The following FRMD4A variants were observed in gnomAD, a reference collection of about 807,000 sequenced individuals.
The protein encoded by FRMD4A is FERM domain containing 4A.
A neutral mutation model predicts 129.1 loss-of-function variants in FRMD4A; 29 were observed. That is an observed-to-expected ratio of 0.22 (90% CI 0.17 to 0.31). The LOEUF is 0.31. Among genes scored for constraint, FRMD4A ranks in the 10% least tolerant of loss-of-function variants. The pLI is 1.00. For synonymous variants in FRMD4A, 634 were observed against 571.6 expected (o/e 1.11, Z -1.56); for missense variants, 1,272 against 1,375.8 (o/e 0.92, Z 1.19).
chr10:13,979,146 T>C (rs564807359), intron 2 of FRMD4A, among the ~76,000 whole-genome samples: 2 of 152,308 alleles, frequency 1.3e-5, no homozygotes, highest in East Asian at 1.9e-4. Flanking sequence ...CCAAGGATGA[T>C]TTTTGAGTAC....
chr10:13,829,386 G>A (rs1437827427), intron 3 of FRMD4A, among the ~76,000 whole-genome samples: 1 of 152,126 alleles, frequency 6.6e-6, no homozygotes, highest in Non-Finnish European at 1.5e-5. Context: ...TTAGCTGGGT[G>A]TGGTGCCGTG....
intron 2 of FRMD4A, among the ~76,000 whole-genome samples, chr10:13,876,384 A>G (rs2094489245): frequency 6.6e-6 from 1 of 152,222 alleles, no homozygotes; most frequent in Non-Finnish European, 1.5e-5. Context: ...GTACAGACTG[A>G]TAGGCACAAA....
intron 2 of FRMD4A, among the ~76,000 whole-genome samples, chr10:14,080,926 T>C (rs1183793597): frequency 1.3e-5 from 2 of 151,876 alleles, no homozygotes; most frequent in Non-Finnish European, 2.9e-5. Flanking sequence ...TGGGGAGCAC[T>C]CTGCTGGGGG....
At chr10:13,863,112 C>T (rs2094316871) in intron 2 of FRMD4A, among the ~76,000 whole-genome samples, 1 of 152,104 alleles carries the variant, frequency 6.6e-6, no homozygotes, top group Non-Finnish European at 1.5e-5. Context: ...CAAGCAGAGG[C>T]CTGCCAAGTG....
intron 6 of FRMD4A, among the ~76,000 whole-genome samples, chr10:13,769,542 T>C (rs1312428453): frequency 6.6e-6 from 1 of 152,120 alleles, no homozygotes; most frequent in Non-Finnish European, 1.5e-5. Context: ...ACTCCTGGGC[T>C]CAAGTGATCC....
At chr10:13,855,412 A>T (rs547578470) in intron 3 of FRMD4A, among the ~76,000 whole-genome samples, 2 of 152,170 alleles carry the variant, frequency 1.3e-5, no homozygotes, top group East Asian at 3.9e-4. Flanking sequence ...AACCTCCCCA[A>T]TCTGCCCCAT....
intron 2 of FRMD4A, among the ~76,000 whole-genome samples, chr10:13,994,273 G>A (rs1271625733): frequency 9.5e-5 from 14 of 147,712 alleles, no homozygotes; most frequent in African/African-American, 1.8e-4. Context: ...TCTTCCTCCC[G>A]GGTTCAAGCA....
intron 15 of FRMD4A, among the ~76,000 whole-genome samples, chr10:13,682,451 A>G (rs1215803805): frequency 1.3e-5 from 2 of 150,770 alleles, no homozygotes; most frequent in Admixed American, 1.3e-4. Context: ...TACCTGCTGC[A>G]CTTCATTGAA....
At chr10:13,918,538 C>CT (rs913028804) in intron 2 of FRMD4A, among the ~76,000 whole-genome samples, 1 of 151,610 alleles carries the variant, frequency 6.6e-6, no homozygotes, top group African/African-American at 2.4e-5. Context: ...ATACAATTTT[C>CT]TTTTTTTTGA....
intron 3 of FRMD4A, among the ~76,000 whole-genome samples, chr10:13,833,515 C>A (rs540142844): frequency 4.6e-5 from 7 of 152,276 alleles, no homozygotes; most frequent in Middle Eastern, 3.4e-3. Flanking sequence ...AGAGTGGCCA[C>A]ATAACTCCTG....
chr10:14,255,448 T>C (rs1279110982), intron 2 of FRMD4A, among the ~76,000 whole-genome samples: 1 of 152,128 alleles, frequency 6.6e-6, no homozygotes, highest in Non-Finnish European at 1.5e-5. Context: ...GGAAGACCTG[T>C]AGATGGGGAC....
chr10:14,239,789 G>A (rs1234969290), intron 2 of FRMD4A, among the ~76,000 whole-genome samples: 1 of 152,194 alleles, frequency 6.6e-6, no homozygotes, highest in Non-Finnish European at 1.5e-5. Context: ...ATAGGAGAAA[G>A]AGAGAAAAGA....
At position 14,163,403 on chromosome 10, in the gene FRMD4A, A is replaced by G. The variant is rs185138881; in HGVS notation, c.45+166655T>C. Among the ~76,000 whole-genome samples the G allele has an allele frequency of 2.7e-3, 405 of 152,310 alleles. 2 individuals are homozygous for G. The highest frequency in any genetic ancestry group is 9.1e-3 in the African/African-American group (379 of 41,556). On this transcript the variant is annotated intron_variant, in intron 2 of 24. Transcript: ENST00000357447. ...TTAATTTACCCAATCGCTATCATCC[A>G]CTTGTAATAAAAGCATCACACTCAG... is the stretch of plus-strand genomic sequence containing the variant.
At chr10:13,812,906 C>T (rs73579919) in intron 3 of FRMD4A, among the ~76,000 whole-genome samples, 2,650 of 152,362 alleles carry the variant, frequency 0.017, 60 homozygotes, top group African/African-American at 0.058. Flanking sequence ...CAGACCCTCC[C>T]TCACTCCTGG....
chr10:13,750,085 A>AAATG (rs1554880538), intron 8 of FRMD4A, among the ~76,000 whole-genome samples: 1,488 of 80,590 alleles, frequency 0.018, 34 homozygotes, highest in African/African-American at 0.061. Flanking sequence ...AGAAAGAAAG[A>AAATG]AAGAAAGAAA....
chr10:13,783,052 G>C, intron 5 of FRMD4A, 46 bp from the exon 6 acceptor site: 1 of 792,380 alleles, frequency 1.3e-6, no homozygotes, highest in Non-Finnish European at 2.3e-6. Flanking sequence ...AGCAGGTGCA[G>C]AAAATAAAGT....
intron 2 of FRMD4A, among the ~76,000 whole-genome samples, chr10:13,948,402 C>T (rs1025449456): frequency 3.9e-5 from 6 of 151,978 alleles, no homozygotes; most frequent in Non-Finnish European, 8.8e-5. Flanking sequence ...TGCCAAAGGT[C>T]TTTGCTGCTG....
At chr10:13,659,579 T>A (rs536025126) in intron 20 of FRMD4A, 89 bp from the exon 21 acceptor site, 1 of 1,345,578 alleles carries the variant, frequency 7.4e-7, no homozygotes. Context: ...GATCCCAGCA[T>A]GTGGGGAAAG....
chr10:13,656,538 C>T (rs1234152547), intron 22 of FRMD4A, 98 bp downstream of exon 22: 24 of 1,253,208 alleles, frequency 1.9e-5, no homozygotes, highest in Middle Eastern at 3.0e-4. Flanking sequence ...TTCCTCACTG[C>T]ACCCAGTCCT....
Sources: allele counts gnomAD v4.1 joint callset (sites outside exome capture counted in the v4.1 genomes callset), GRCh38; gene constraint gnomAD v4.1.1; transcripts MANE v1.5; gene names NCBI Gene and HGNC (gene_info 2026-07-23, HGNC 2026-07-21).